LPP: variants seen among roughly 807,000 people sequenced by gnomAD.
The protein encoded by LPP is lipoma-preferred partner.
A neutral mutation model predicts 60.4 loss-of-function variants in LPP; 38 were observed. The ratio of observed to expected loss-of-function variants is 0.63; its 90% confidence interval spans 0.49 to 0.83. The LOEUF is 0.83. Among genes scored for constraint, LPP ranks in the 40% least tolerant of loss-of-function variants. LPP has a pLI of 0.00. For synonymous variants in LPP, 328 were observed against 290.8 expected (o/e 1.13, Z -1.30); for missense variants, 902 against 783.6 (o/e 1.15, Z -1.80).
chr3:188,575,042 A>T (rs1243568514), intron 6 of LPP, among the ~76,000 whole-genome samples: 1 of 152,092 alleles, frequency 6.6e-6, no homozygotes, highest in Non-Finnish European at 1.5e-5. Flanking sequence ...CACCCTAAGC[A>T]AGGAAGGTTT....
intron 5 of LPP, among the ~76,000 whole-genome samples, chr3:188,512,570 A>AATAAATACATAC (rs1553917946): frequency 1.3e-5 from 2 of 150,756 alleles, no homozygotes; most frequent in African/African-American, 4.9e-5. Flanking sequence ...TAAATAAATA[A>AATAAATACATAC]ATAAATAAAT....
At chr3:188,273,509 C>G (rs368383372) in intron 2 of LPP, among the ~76,000 whole-genome samples, 1 of 151,222 alleles carries the variant, frequency 6.6e-6, no homozygotes, top group African/African-American at 2.4e-5. Flanking sequence ...TCTTACCCCC[C>G]TTTCATTTTT....
At chr3:188,292,749 T>C (rs1168763498) in intron 2 of LPP, among the ~76,000 whole-genome samples, 1 of 152,200 alleles carries the variant, frequency 6.6e-6, no homozygotes, top group Admixed American at 6.5e-5. Flanking sequence ...CTCAGTGAAT[T>C]ACCAGCTTCC....
intron 4 of LPP, among the ~76,000 whole-genome samples, chr3:188,451,001 T>C (rs7621338): frequency 0.35 from 52,840 of 151,804 alleles, 10,453 homozygotes; most frequent in African/African-American, 0.53. Flanking sequence ...GGGTGCTTGA[T>C]CATAGTGCAT....
intron 8 of LPP, among the ~76,000 whole-genome samples, chr3:188,728,890 G>T (rs937279920): frequency 6.7e-6 from 1 of 149,716 alleles, no homozygotes; most frequent in South Asian, 2.1e-4. Context: ...AAAAAAAAAT[G>T]TACCATGAAC....
intron 8 of LPP, among the ~76,000 whole-genome samples, chr3:188,755,817 A>G: frequency 3.1e-4 from 1 of 3,198 alleles, no homozygotes; most frequent in Non-Finnish European, 1.0e-3. Context: ...CACAAAAAAA[A>G]AAAAAAAAAA....
intron 2 of LPP, among the ~76,000 whole-genome samples, chr3:188,266,225 A>G (rs1427468411): frequency 6.6e-6 from 1 of 151,858 alleles, no homozygotes; most frequent in Non-Finnish European, 1.5e-5. Flanking sequence ...TAAACCAGTC[A>G]CTCCAAAGGT....
intron 6 of LPP, among the ~76,000 whole-genome samples, chr3:188,526,357 C>T (rs904597541): frequency 8.6e-5 from 13 of 152,042 alleles, no homozygotes; most frequent in African/African-American, 2.9e-4. Context: ...TGCAGTGGCG[C>T]AATCTCAGCT....
At chr3:188,530,568 A>T (rs931740308) in intron 6 of LPP, among the ~76,000 whole-genome samples, 1 of 152,196 alleles carries the variant, frequency 6.6e-6, no homozygotes, top group African/African-American at 2.4e-5. Flanking sequence ...GAACACACTC[A>T]AGGAGGCTCA....
At position 188,230,172 on chromosome 3, in the gene LPP, G is replaced by A. The variant is rs144977280; in HGVS notation, c.-67+4645G>A. The stretch of plus-strand genomic sequence containing the variant: ...GCGATCTTGGCTCACTGCAACCTCC[G>A]CCTCCAGGATTCAAGAGATTCTCTT... On this transcript the variant is annotated intron_variant, in intron 2 of 11. Coordinates refer to ENST00000617246, the MANE Select transcript of LPP (RefSeq NM_001375462.1). Among the ~76,000 whole-genome samples, 371 of 151,544 alleles carry A rather than the reference G, an allele frequency of 2.4e-3. 3 individuals are homozygous for A. Among genetic ancestry groups the A allele is most frequent in the Middle Eastern group, 0.01 (3 of 294 alleles).
At position 188,609,771 on chromosome 3, in the gene LPP, C is replaced by T. The variant is rs200693649; in HGVS notation, c.1040C>T (p.Pro347Leu). 1.4e-4 allele frequency: 219 copies of T among 1,613,920 alleles called. 2 individuals are homozygous for T. The highest frequency in any genetic ancestry group is 3.4e-6 in the Non-Finnish European group (4 of 1,180,000). The change falls in exon 7 of 12, where the codon CCA (proline) becomes CTA (leucine). Residue 347 changes from proline (P) to leucine (L), a missense_variant. By Grantham distance (98) the Pro-to-Leu change is moderately conservative. Coordinates refer to ENST00000617246, the MANE Select transcript of LPP (RefSeq NM_001375462.1). This position sits in a 1 kb window ranked among gnomAD's most constrained non-coding sequence, Gnocchi z 6.9. Reference protein sequence around the residue: ...AGNQNPPGMYPVTGPKKTYIT... With the variant: ...AGNQNPPGMYLVTGPKKTYIT... ...AACCAGAACCCTCCTGGGATGTATC[C>T]AGTCACTGGTCCCAAGAAGACCTAT...
At chr3:188,410,193 A>G (rs979710591) in intron 4 of LPP, among the ~76,000 whole-genome samples, 1 of 152,212 alleles carries the variant, frequency 6.6e-6, no homozygotes, top group African/African-American at 2.4e-5. Context: ...AACTGAATTA[A>G]TTGATAAAGC....
intron 7 of LPP, among the ~76,000 whole-genome samples, chr3:188,628,555 A>G (rs915514014): frequency 1.2e-4 from 18 of 152,152 alleles, no homozygotes; most frequent in African/African-American, 4.3e-4. Flanking sequence ...GCAGGAAGAC[A>G]TTAAAATCCT....
At chr3:188,708,609 GTCCTTAGAGTT>G in intron 8 of LPP, 1 of 602,402 alleles carries the variant, frequency 1.7e-6, no homozygotes, top group Non-Finnish European at 2.8e-6. Context: ...AATTTCAGTG[GTCCTTAGAGTT>G]TCCTTAGATA....
intron 8 of LPP, among the ~76,000 whole-genome samples, chr3:188,715,388 A>C (rs1577163172): frequency 1.5e-5 from 2 of 134,890 alleles, no homozygotes; most frequent in African/African-American, 5.0e-5. Flanking sequence ...AAAAAAAAAA[A>C]AAAAAAAAAA....
At chr3:188,331,490 C>T (rs563688291) in intron 2 of LPP, among the ~76,000 whole-genome samples, 2 of 152,274 alleles carry the variant, frequency 1.3e-5, no homozygotes, top group South Asian at 2.1e-4. Flanking sequence ...ATTTTAATCC[C>T]CATATTTCTA....
chr3:188,657,613 G>T (rs1038953934), intron 7 of LPP, among the ~76,000 whole-genome samples: 4 of 151,884 alleles, frequency 2.6e-5, no homozygotes, highest in African/African-American at 9.7e-5. Context: ...ATATCTATGG[G>T]CCTTTTTTTC....
rs978008795 is a variant in LPP at position 188,885,438 on chromosome 3, G to A, written c.*10959G>A. ...GAATAAGGGCGACATTAATGGGAGC[G>A]GGAGAGTGGTGGCTTTGGTTGAGAT... is the stretch of plus-strand genomic sequence containing the variant. On this transcript the variant is annotated 3_prime_UTR_variant, in exon 12 of 12. Coordinates refer to ENST00000617246, the MANE Select transcript of LPP (RefSeq NM_001375462.1). 5.3e-6 allele frequency: 1 copy of A among 189,778 alleles called. No individual in the cohort carries two copies. The highest frequency in any genetic ancestry group is 8.3e-5 in the East Asian group (1 of 12,016). 11.8% of individuals were successfully genotyped at this position (189,778 alleles called of 1,614,324 possible).
intron 1 of LPP, among the ~76,000 whole-genome samples, chr3:188,218,944 G>A (rs1158976884): frequency 6.6e-6 from 1 of 152,038 alleles, no homozygotes; most frequent in Non-Finnish European, 1.5e-5. Context: ...GTAATGACTT[G>A]CCTGGGGAAT....
Sources: gnomAD v4.1 joint callset for allele counts (sites outside exome capture counted in the v4.1 genomes callset) on GRCh38, gnomAD v4.1.1 for gene constraint, Gnocchi (gnomAD v3.1) non-coding constraint, MANE v1.5 for transcripts, NCBI Gene and HGNC (gene_info 2026-07-23, HGNC 2026-07-21) for gene names.